CFAP95: variants seen among roughly 807,000 people sequenced by gnomAD.
The protein encoded by CFAP95 is cilia and flagella associated protein 95, also known as cilia- and flagella-associated protein 95.
the CFAP95 span, among the ~76,000 whole-genome samples, chr9:69,882,452 T>C: frequency 2.0e-5 from 3 of 152,208 alleles, no homozygotes; most frequent in African/African-American, 7.2e-5. Context: ...TTTTTTTGTC[T>C]AATTGCTCTA....
the CFAP95 span, among the ~76,000 whole-genome samples, chr9:69,859,192 TTGAA>T: frequency 1.3e-4 from 20 of 152,308 alleles, no homozygotes; most frequent in East Asian, 3.9e-3. Context: ...AATCCTTTGT[TTGAA>T]TGTTGGATTT....
At chr9:69,880,415 T>G in the CFAP95 span, among the ~76,000 whole-genome samples, 1 of 152,176 alleles carries the variant, frequency 6.6e-6, no homozygotes, top group Non-Finnish European at 1.5e-5. Context: ...TGATATTTGT[T>G]TTTTTTGTGC....
chr9:69,831,243 A>T, the CFAP95 span, among the ~76,000 whole-genome samples: 1 of 152,202 alleles, frequency 6.6e-6, no homozygotes, highest in African/African-American at 2.4e-5. Context: ...CAAATAATTT[A>T]GCCTCCTTTT....
the CFAP95 span, among the ~76,000 whole-genome samples, chr9:69,874,938 C>T: frequency 6.6e-6 from 1 of 152,174 alleles, no homozygotes; most frequent in Non-Finnish European, 1.5e-5. Flanking sequence ...GCTTCCAGAA[C>T]CAGGGGGATC....
the CFAP95 span, among the ~76,000 whole-genome samples, chr9:69,858,621 A>T: frequency 2.0e-5 from 3 of 152,206 alleles, no homozygotes; most frequent in Non-Finnish European, 4.4e-5. Context: ...AAAAAATAAG[A>T]TGTCTTTAAG....
the CFAP95 span, among the ~76,000 whole-genome samples, chr9:69,854,962 C>T: frequency 6.6e-6 from 1 of 152,202 alleles, no homozygotes; most frequent in Non-Finnish European, 1.5e-5. Context: ...AGGTTCTCCA[C>T]TATTGCTATC....
the CFAP95 span, among the ~76,000 whole-genome samples, chr9:69,840,380 T>C: frequency 6.6e-6 from 1 of 152,220 alleles, no homozygotes; most frequent in African/African-American, 2.4e-5. Flanking sequence ...TTTGACAAAG[T>C]GTTTAAAAAT....
the CFAP95 span, among the ~76,000 whole-genome samples, chr9:69,903,465 G>C: frequency 6.6e-6 from 1 of 152,150 alleles, no homozygotes; most frequent in African/African-American, 2.4e-5. Flanking sequence ...CGGACTCATG[G>C]GTGAGCTGGA....
At chr9:69,835,765 G>A in the CFAP95 span, among the ~76,000 whole-genome samples, 3 of 152,128 alleles carry the variant, frequency 2.0e-5, no homozygotes, top group Admixed American at 6.5e-5. Context: ...ATACATGAAC[G>A]GATAATTACA....
the CFAP95 span, among the ~76,000 whole-genome samples, chr9:69,830,363 G>T: frequency 6.6e-6 from 1 of 152,154 alleles, no homozygotes; most frequent in Non-Finnish European, 1.5e-5. Flanking sequence ...GGAGTGCTGG[G>T]CTGGCAGTCC....
chr9:69,857,802 A>G, the CFAP95 span: 4 of 935,612 alleles, frequency 4.3e-6, no homozygotes, highest in East Asian at 5.2e-5. Flanking sequence ...TTCTGGGATT[A>G]CAGGCGTGAG....
At chr9:69,838,546 T>A in the CFAP95 span, among the ~76,000 whole-genome samples, 289 of 151,788 alleles carry the variant, frequency 1.9e-3, 1 homozygote, top group African/African-American at 6.6e-3. Context: ...CTGTTGTTGG[T>A]GTATAAGAAT....
the CFAP95 span, among the ~76,000 whole-genome samples, chr9:69,877,448 A>G: frequency 7.2e-5 from 11 of 152,206 alleles, no homozygotes; most frequent in Admixed American, 2.6e-4. Context: ...ACACGTACAT[A>G]AATTATTTTA....
At chr9:69,886,543 G>A in the CFAP95 span, among the ~76,000 whole-genome samples, 5,903 of 152,238 alleles carry the variant, frequency 0.039, 347 homozygotes, top group African/African-American at 0.13. Flanking sequence ...ACAGAAATGT[G>A]TTCTAATTGA....
chr9:69,822,371 C>A, the CFAP95 span, among the ~76,000 whole-genome samples: 1 of 152,246 alleles, frequency 6.6e-6, no homozygotes. Flanking sequence ...TGCTTTCCAA[C>A]AAGTTTACCT....
the CFAP95 span, among the ~76,000 whole-genome samples, chr9:69,864,539 A>G: frequency 6.6e-6 from 1 of 152,134 alleles, no homozygotes; most frequent in Non-Finnish European, 1.5e-5. Context: ...CCACTCTAAA[A>G]TTTTATGGCT....
At chr9:69,849,159 G>A in the CFAP95 span, among the ~76,000 whole-genome samples, 23 of 152,254 alleles carry the variant, frequency 1.5e-4, no homozygotes, top group African/African-American at 4.3e-4. Context: ...GTTATTAATA[G>A]TTTGTCACCT....
the CFAP95 span, among the ~76,000 whole-genome samples, chr9:69,857,494 C>T: frequency 6.6e-6 from 1 of 152,136 alleles, no homozygotes; most frequent in African/African-American, 2.4e-5. Flanking sequence ...AAAAAGTAAT[C>T]ATCATAAAAA....
At chr9:69,905,157 T>C in the CFAP95 span, among the ~76,000 whole-genome samples, 2 of 152,254 alleles carry the variant, frequency 1.3e-5, no homozygotes, top group Non-Finnish European at 2.9e-5. Context: ...GAATATATGA[T>C]GATAATTTTC....
Sources: gnomAD v4.1 joint callset for allele counts (sites outside exome capture counted in the v4.1 genomes callset) on GRCh38, gnomAD v4.1.1 for gene constraint, MANE v1.5 for transcripts, NCBI Gene and HGNC (gene_info 2026-07-23, HGNC 2026-07-21) for gene names.